FARP2: variants seen among roughly 807,000 people sequenced by gnomAD.
FARP2 encodes FERM, ARHGEF and pleckstrin domain-containing protein 2.
Under a neutral mutation model 130.5 loss-of-function variants are expected in FARP2, and 111 were observed. That is an observed-to-expected ratio of 0.85 (90% CI 0.73 to 1.00). The LOEUF (loss-of-function observed/expected upper bound fraction) is 1.00. Ranked by LOEUF, FARP2 falls within the 50% of genes least tolerant of loss-of-function variation. FARP2 has a pLI of 0.00. For missense variants in FARP2, 1,385 were observed against 1,346.3 expected (o/e 1.03, Z -0.45); for synonymous variants, 504 against 516.9 (o/e 0.98, Z 0.34).
At chr2:241,477,333 T>C (rs534891501) in intron 19 of FARP2, among the ~76,000 whole-genome samples, 1 of 152,258 alleles carries the variant, frequency 6.6e-6, no homozygotes, top group African/African-American at 2.4e-5. Flanking sequence ...TTTCACCATG[T>C]TGGCCAGGAT....
chr2:241,422,882 A>C (rs541936383), intron 8 of FARP2, among the ~76,000 whole-genome samples: 1 of 152,194 alleles, frequency 6.6e-6, no homozygotes, highest in Non-Finnish European at 1.5e-5. Flanking sequence ...ATTGAAGACT[A>C]TCTTTCTGAA....
At chr2:241,473,253 C>CTCTATAGGGACCCTGT (rs2064367053) in intron 18 of FARP2, among the ~76,000 whole-genome samples, 1 of 130,322 alleles carries the variant, frequency 7.7e-6, no homozygotes, top group African/African-American at 2.9e-5. Flanking sequence ...GGTGACCCTG[C>CTCTATAGGGACCCTGT]TCTATAGGGA....
At chr2:241,465,807 C>T in intron 17 of FARP2, 1 of 1,548,022 alleles carries the variant, frequency 6.5e-7, no homozygotes, top group Non-Finnish European at 8.7e-7. Context: ...TCTACCCAAT[C>T]CTGCGAGACT....
At chr2:241,467,432 G>A (rs2064199138) in intron 17 of FARP2, among the ~76,000 whole-genome samples, 1 of 152,074 alleles carries the variant, frequency 6.6e-6, no homozygotes, top group Non-Finnish European at 1.5e-5. Context: ...GATTGCTTAA[G>A]CTCAGGAGTT....
chr2:241,406,399 A>G (rs2062348739), intron 4 of FARP2, among the ~76,000 whole-genome samples: 1 of 143,698 alleles, frequency 7.0e-6, no homozygotes, highest in South Asian at 2.2e-4. Flanking sequence ...GTGGGTATAT[A>G]TATGTCTGTG....
At chr2:241,471,973 G>GGGA (rs2064329459) in intron 18 of FARP2, among the ~76,000 whole-genome samples, 2 of 144,256 alleles carry the variant, frequency 1.4e-5, no homozygotes, top group Non-Finnish European at 3.0e-5. Context: ...CCTGTTGTGA[G>GGGA]CAGGAGGCTG....
chr2:241,448,457 G>A (rs2063566530), intron 13 of FARP2, among the ~76,000 whole-genome samples: 1 of 152,154 alleles, frequency 6.6e-6, no homozygotes, highest in South Asian at 2.1e-4. Context: ...CCTTTATTTA[G>A]TTTACTTTAA....
At chr2:241,428,979 T>C (rs2150392359) in intron 8 of FARP2, among the ~76,000 whole-genome samples, 2 of 152,344 alleles carry the variant, frequency 1.3e-5, no homozygotes, top group Middle Eastern at 3.4e-3. Flanking sequence ...AGTGTTTTAC[T>C]CCTTATGGCT....
At chr2:241,398,743 AT>A (rs1460170058) in intron 2 of FARP2, among the ~76,000 whole-genome samples, 1 of 151,820 alleles carries the variant, frequency 6.6e-6, no homozygotes, top group Non-Finnish European at 1.5e-5. Context: ...TAATTTTTGT[AT>A]TTTTAATAGA....
intron 2 of FARP2, among the ~76,000 whole-genome samples, chr2:241,394,586 T>C (rs1413900597): frequency 6.6e-6 from 1 of 152,150 alleles, no homozygotes; most frequent in Non-Finnish European, 1.5e-5. Context: ...TATGACACTT[T>C]ATGACCTACT....
At chr2:241,396,403 CA>C (rs1328924715) in intron 2 of FARP2, among the ~76,000 whole-genome samples, 1 of 151,762 alleles carries the variant, frequency 6.6e-6, no homozygotes, top group Admixed American at 6.6e-5. Context: ...AGGCAACCTA[CA>C]AAATGGGAGA....
intron 2 of FARP2, among the ~76,000 whole-genome samples, chr2:241,392,916 C>T (rs1271455213): frequency 1.5e-4 from 22 of 150,576 alleles, no homozygotes; most frequent in African/African-American, 5.4e-4. Flanking sequence ...ACACTCCAGC[C>T]TGGGCAATAG....
At chr2:241,438,052 G>T (rs985326351) in intron 12 of FARP2, among the ~76,000 whole-genome samples, 1 of 152,070 alleles carries the variant, frequency 6.6e-6, no homozygotes, top group Non-Finnish European at 1.5e-5. Context: ...CAAGTGATAC[G>T]CCTGCCTTGG....
Position 241,462,628 on chromosome 2 carries a change from AT to A in FARP2, c.1677+18del. ...TATTACCGTGGTACGAAAGTCCTTG[AT>A]TACTTTGATTTTTTTTTAAAATAAA... On this transcript the variant is annotated intron_variant, in intron 15 of 26. Coordinates refer to ENST00000264042, the MANE Select transcript of FARP2 (RefSeq NM_014808.4). 6.7e-7 allele frequency: 1 copy of A among 1,481,988 alleles called. No individual in the cohort carries two copies. Among genetic ancestry groups the A allele is most frequent in the Non-Finnish European group, 9.4e-7 (1 of 1,061,474 alleles). The allele number at this position is 1,481,988 out of a possible 1,614,324, so 91.8% of individuals were successfully genotyped here.
intron 17 of FARP2, chr2:241,465,510 G>C (rs1215016596): frequency 6.4e-7 from 1 of 1,550,522 alleles, no homozygotes; most frequent in South Asian, 1.2e-5. Flanking sequence ...AAATGGAGTA[G>C]ACTTTTGGAT....
intron 14 of FARP2, among the ~76,000 whole-genome samples, chr2:241,457,437 G>C (rs28751883): frequency 1.5e-4 from 19 of 127,160 alleles, no homozygotes; most frequent in African/African-American, 3.6e-4. Context: ...AGTGTAGAAA[G>C]ATCTGGGTGC....
In FARP2 at chr2:241,418,084, C is replaced by T. The variant is rs770557661; in HGVS notation, c.746C>T (p.Ser249Phe). 9.9e-6 allele frequency: 16 copies of T among 1,614,176 alleles called. No homozygotes were observed. In the South Asian group the frequency reaches 1.6e-4, roughly 17 times the overall value. The change falls in exon 8 of 27, where the codon TCC becomes TTC. Residue 249 changes from serine to phenylalanine, a missense_variant. By Grantham distance (155) the Ser-to-Phe change is radical. Coordinates refer to ENST00000264042, the MANE Select transcript of FARP2 (RefSeq NM_014808.4). ...REGTKIQLAV[S>F]HMGVLVFQGT... ...GGAACCAAGATTCAACTGGCAGTTT[C>T]CCACATGGGTGTACTCGTGTTCCAG... is the stretch of plus-strand genomic sequence containing the variant.
At chr2:241,449,972 A>G (rs1305620505) in intron 13 of FARP2, among the ~76,000 whole-genome samples, 1 of 150,076 alleles carries the variant, frequency 6.7e-6, no homozygotes, top group African/African-American at 2.5e-5. Context: ...GCTCCATTGC[A>G]CTCCAGCCTG....
chr2:241,462,295 C>A (rs1255342100), intron 14 of FARP2, among the ~76,000 whole-genome samples: 4 of 152,234 alleles, frequency 2.6e-5, no homozygotes, highest in Admixed American at 6.5e-5. Context: ...TAATAAACTT[C>A]AACCCTGTTT....
Sources: allele counts gnomAD v4.1 joint callset (sites outside exome capture counted in the v4.1 genomes callset), GRCh38; gene constraint gnomAD v4.1.1; transcripts MANE v1.5; gene names NCBI Gene and HGNC (gene_info 2026-07-23, HGNC 2026-07-21).